GALNTL6: variants seen among roughly 807,000 people sequenced by gnomAD.
GALNTL6 encodes polypeptide N-acetylgalactosaminyltransferase-like 6.
A neutral mutation model predicts 73.7 loss-of-function variants in GALNTL6; 46 were observed. The ratio of observed to expected loss-of-function variants is 0.62; its 90% confidence interval spans 0.49 to 0.80. GALNTL6 has a LOEUF of 0.80. Ranked by LOEUF, GALNTL6 falls within the 30% of genes least tolerant of loss-of-function variation. The pLI is 0.00. For missense variants in GALNTL6, 604 were observed against 755.0 expected, an observed-to-expected ratio of 0.80 and a Z score of 2.34; for synonymous variants, 259 against 263.7, an observed-to-expected ratio of 0.98 and a Z score of 0.17.
chr4:173,033,942 T>A (rs1753576878), intron 12 of GALNTL6, among the ~76,000 whole-genome samples: 1 of 152,206 alleles, frequency 6.6e-6, no homozygotes. Flanking sequence ...ATCTAACTGC[T>A]CACTGGGCAT....
intron 5 of GALNTL6, among the ~76,000 whole-genome samples, chr4:172,647,887 A>C (rs533223986): frequency 2.0e-5 from 3 of 152,286 alleles, no homozygotes; most frequent in African/African-American, 7.2e-5. Context: ...CAATACTGTC[A>C]TTAAATTTAT....
intron 2 of GALNTL6, among the ~76,000 whole-genome samples, chr4:171,845,481 C>T (rs1420102024): frequency 6.6e-6 from 1 of 152,148 alleles, no homozygotes; most frequent in Non-Finnish European, 1.5e-5. Flanking sequence ...TAGGAAGTGG[C>T]TGCTCTGACT....
intron 5 of GALNTL6, among the ~76,000 whole-genome samples, chr4:172,752,770 C>G (rs1483156008): frequency 6.6e-6 from 1 of 151,940 alleles, no homozygotes; most frequent in Admixed American, 6.6e-5. Context: ...ACTGTGTATC[C>G]ATGCTGATTT....
At chr4:172,978,120 T>C (rs1004021302) in intron 10 of GALNTL6, among the ~76,000 whole-genome samples, 1 of 152,160 alleles carries the variant, frequency 6.6e-6, no homozygotes, top group Non-Finnish European at 1.5e-5. Context: ...AGATTATATG[T>C]GTGAGTGTGG....
intron 5 of GALNTL6, among the ~76,000 whole-genome samples, chr4:172,377,564 G>A (rs1053909317): frequency 6.6e-6 from 1 of 152,282 alleles, no homozygotes; most frequent in Non-Finnish European, 1.5e-5. Flanking sequence ...GCAGTCGATG[G>A]GACTGGGTGC....
chr4:172,108,687 C>A (rs1732758432), intron 2 of GALNTL6, among the ~76,000 whole-genome samples: 1 of 151,986 alleles, frequency 6.6e-6, no homozygotes, highest in Non-Finnish European at 1.5e-5. Flanking sequence ...TTAACCATTA[C>A]AAGTATCAGG....
chr4:172,701,551 A>G (rs1324569015), intron 5 of GALNTL6, among the ~76,000 whole-genome samples: 10 of 152,084 alleles, frequency 6.6e-5, no homozygotes, highest in African/African-American at 1.9e-4. Context: ...ATCCTAAGAA[A>G]GAAACTCTGA....
chr4:172,600,978 C>CA (rs1014838717), intron 5 of GALNTL6, among the ~76,000 whole-genome samples: 20 of 148,636 alleles, frequency 1.3e-4, no homozygotes, highest in South Asian at 4.3e-4. Context: ...AAAACAAAAA[C>CA]AAAAAAAAAT....
chr4:172,188,396 C>T (rs948290719), intron 2 of GALNTL6, among the ~76,000 whole-genome samples: 2 of 152,082 alleles, frequency 1.3e-5, no homozygotes, highest in African/African-American at 4.8e-5. Flanking sequence ...CATATTTGAG[C>T]ATTTATTTGT....
At chr4:172,470,857 C>G (rs1222078656) in intron 5 of GALNTL6, among the ~76,000 whole-genome samples, 1 of 152,136 alleles carries the variant, frequency 6.6e-6, no homozygotes, top group Non-Finnish European at 1.5e-5. Flanking sequence ...CACACACATA[C>G]ACAACACACA....
At chr4:173,029,170 T>C (rs778142479) in intron 12 of GALNTL6, among the ~76,000 whole-genome samples, 1 of 152,210 alleles carries the variant, frequency 6.6e-6, no homozygotes, top group Non-Finnish European at 1.5e-5. Context: ...GTCATGTAAT[T>C]CAACTCTGGT....
chr4:172,170,416 G>A (rs1008627984), intron 2 of GALNTL6, among the ~76,000 whole-genome samples: 1 of 151,358 alleles, frequency 6.6e-6, no homozygotes, highest in Non-Finnish European at 1.5e-5. Flanking sequence ...ATGATTGTAA[G>A]TTTCCTGAGT....
chr4:171,914,760 C>A (rs1737568485), intron 2 of GALNTL6, among the ~76,000 whole-genome samples: 1 of 137,008 alleles, frequency 7.3e-6, no homozygotes, highest in African/African-American at 3.0e-5. Context: ...AATATATTAA[C>A]TTCCAGAAAG....
chr4:172,315,041 T>C (rs1252672147), intron 4 of GALNTL6, among the ~76,000 whole-genome samples: 1 of 152,230 alleles, frequency 6.6e-6, no homozygotes, highest in Non-Finnish European at 1.5e-5. Flanking sequence ...CGAAGGACAG[T>C]ATATTGGCAT....
intron 2 of GALNTL6, among the ~76,000 whole-genome samples, chr4:172,133,228 G>A (rs982887278): frequency 2.6e-5 from 4 of 152,142 alleles, no homozygotes; most frequent in Admixed American, 2.6e-4. Flanking sequence ...CCTTAAGTAT[G>A]TGGCTAACTT....
chr4:172,734,269 G>C (rs1179641158), intron 5 of GALNTL6, among the ~76,000 whole-genome samples: 2 of 152,140 alleles, frequency 1.3e-5, no homozygotes, highest in African/African-American at 4.8e-5. Context: ...CAGTAGAAAA[G>C]AAAAACCCAT....
chr4:171,838,924 G>A (rs1392687354), intron 2 of GALNTL6, among the ~76,000 whole-genome samples: 2 of 152,074 alleles, frequency 1.3e-5, no homozygotes, highest in Non-Finnish European at 2.9e-5. Flanking sequence ...AGCACTCTAG[G>A]GACTGCTCTC....
intron 2 of GALNTL6, among the ~76,000 whole-genome samples, chr4:172,003,012 T>C (rs1173396037): frequency 2.0e-5 from 3 of 152,122 alleles, no homozygotes. Context: ...TAATCAATTA[T>C]CGATTAAGGG....
At position 172,505,762 on chromosome 4, in the gene GALNTL6, G is replaced by T. The variant is rs1734379345; in HGVS notation, c.553+157073G>T. On this transcript the variant is annotated intron_variant, in intron 5 of 12. Coordinates refer to ENST00000506823, the MANE Select transcript of GALNTL6 (RefSeq NM_001034845.3). ...CTACAAGGAAAAAGCTGTGGGTCTG[G>T]ACTTTCAGAGCTTGGACTCTGAAAA... is the stretch of plus-strand genomic sequence containing the variant. Among the ~76,000 whole-genome samples the T allele has an allele frequency of 3.7e-5, 2 of 53,366 alleles. 1 individual carries two copies. Among genetic ancestry groups the T allele is most frequent in the African/African-American group, 9.4e-5 (2 of 21,284 alleles). 35.0% of individuals were successfully genotyped at this position (53,366 alleles called of 152,430 possible).
Sources: gnomAD v4.1 joint callset for allele counts (sites outside exome capture counted in the v4.1 genomes callset) on GRCh38, gnomAD v4.1.1 for gene constraint, MANE v1.5 for transcripts, NCBI Gene and HGNC (gene_info 2026-07-23, HGNC 2026-07-21) for gene names.